MED24: variants seen among roughly 807,000 people sequenced by gnomAD.
The protein encoded by MED24 is mediator complex subunit 24.
In MED24, 74 loss-of-function variants were observed where a neutral mutation model predicts 118.8. That is an observed-to-expected ratio of 0.62 (90% CI 0.52 to 0.76). The LOEUF is 0.76. Among genes scored for constraint, MED24 ranks in the 30% least tolerant of loss-of-function variants. The probability of loss-of-function intolerance (pLI) is 0.00; values close to 1 mark genes in which losing one functional copy is unlikely to be tolerated. For synonymous variants in MED24, 521 were observed against 523.9 expected, an observed-to-expected ratio of 0.99 and a Z score of 0.08; for missense variants, 1,041 against 1,278.9, an observed-to-expected ratio of 0.81 and a Z score of 2.84.
intron 3 of MED24, among the ~76,000 whole-genome samples, chr17:40,051,411 C>T (rs1985831024): frequency 6.6e-6 from 1 of 151,328 alleles, no homozygotes; most frequent in African/African-American, 2.4e-5. Context: ...GTCAAGAGAT[C>T]AAGACCATAC....
intron 19 of MED24, among the ~76,000 whole-genome samples, chr17:40,024,369 A>G (rs1489265230): frequency 6.6e-6 from 1 of 152,038 alleles, no homozygotes; most frequent in Non-Finnish European, 1.5e-5. Context: ...CCCCATCTCT[A>G]CCAAAAATAC....
At chr17:40,026,494 A>G in intron 18 of MED24, 153 bp downstream of exon 18, 1 of 1,141,916 alleles carries the variant, frequency 8.8e-7, no homozygotes, top group Non-Finnish European at 1.3e-6. Flanking sequence ...CCTGGGCCAG[A>G]GGGAGTAGCT....
rs1182025599 is a variant in MED24, at chr17:40,026,900, C to T, written c.1665G>A (p.Glu555=). 6.2e-7 allele frequency: 1 copy of T among 1,613,834 alleles called. No individual in the cohort carries two copies. The highest frequency in any genetic ancestry group is 1.3e-5 in the African/African-American group (1 of 74,928). ...AGTTGTTGAGCAGGGCCACCAGGGA[C>T]TCCACTTTGGTGGAGTCGGGGCGGA... ...PCFRPDSTKV[E]SLVALLNNSS... The change falls in exon 17 of 26, where the codon GAG becomes GAA. Residue 555 remains glutamate, a synonymous_variant. Transcript: ENST00000394128.
intron 8 of MED24, 72 bp downstream of exon 8, chr17:40,032,984 G>T: frequency 6.3e-7 from 1 of 1,585,146 alleles, no homozygotes. Context: ...GGGAGAACCA[G>T]AAGAATCCTC....
intron 14 of MED24, 26 bp from the exon 15 acceptor site, chr17:40,027,972 T>A (rs375514762): frequency 2.7e-5 from 43 of 1,613,198 alleles, no homozygotes; most frequent in Non-Finnish European, 3.1e-5. Flanking sequence ...ACAGGCTGCA[T>A]TGACCAGGGC....
rs370310367 is a variant in MED24, at chr17:40,022,487, G to A, written c.2433-3C>T. The stretch of plus-strand genomic sequence containing the variant: ...TGAGGGCACACCACACGGCCAGCCT[G>A]GCAAAGGGTTCCAGAAAAAGGGGGA... On this transcript the variant is annotated splice_region_variant and splice_polypyrimidine_tract_variant and intron_variant, in intron 21 of 25. Transcript: ENST00000394128. 3.7e-6 allele frequency: 6 copies of A among 1,606,654 alleles called. No homozygotes were observed. In the African/African-American group the frequency reaches 4.0e-5, roughly 11 times the overall value.
chr17:40,027,089 G>A, intron 16 of MED24, 55 bp from the exon 17 acceptor site: 11 of 1,588,036 alleles, frequency 6.9e-6, no homozygotes, highest in Non-Finnish European at 9.5e-6. Context: ...GCGCCTGCCA[G>A]CGCTGGACCT....
intron 3 of MED24, among the ~76,000 whole-genome samples, chr17:40,038,621 G>C (rs1984216436): frequency 6.6e-6 from 1 of 150,640 alleles, no homozygotes; most frequent in Non-Finnish European, 1.5e-5. Flanking sequence ...TGAGGCAGGA[G>C]AATCGCTTGA....
chr17:40,019,507 C>G lies in MED24; in HGVS notation c.*22G>C, dbSNP rs371360690. On this transcript the variant is annotated 3_prime_UTR_variant, in exon 26 of 26. Coordinates refer to ENST00000394128, the MANE Select transcript of MED24 (RefSeq NM_014815.4). ...TGGGGCTGCGCCAGTCCCCAGCCCCCACTGCGGCCATGCCAAGCCCCTCAG... is the reference window on the plus strand; with the variant it reads ...TGGGGCTGCGCCAGTCCCCAGCCCCGACTGCGGCCATGCCAAGCCCCTCAG... The G allele has an allele frequency of 6.1e-5, 98 of 1,601,208 alleles. 1 individual carries two copies. Among genetic ancestry groups the G allele is most frequent in the Non-Finnish European group, 7.2e-5 (84 of 1,171,218 alleles).
At chr17:40,039,330 C>T (rs1050593609) in intron 3 of MED24, among the ~76,000 whole-genome samples, 1 of 152,200 alleles carries the variant, frequency 6.6e-6, no homozygotes, top group African/African-American at 2.4e-5. Flanking sequence ...AAGCTCTAAA[C>T]CACCACAGGC....
At chr17:40,046,496 A>G (rs1329899488) in intron 3 of MED24, among the ~76,000 whole-genome samples, 1 of 150,442 alleles carries the variant, frequency 6.6e-6, no homozygotes, top group Non-Finnish European at 1.5e-5. Context: ...CTGTAATCCC[A>G]GCACTTTGGG....
intron 6 of MED24, among the ~76,000 whole-genome samples, chr17:40,034,078 G>T (rs1013428444): frequency 1.3e-5 from 2 of 152,036 alleles, no homozygotes; most frequent in Admixed American, 6.6e-5. Flanking sequence ...AAGCCATATT[G>T]GTTAGCACTG....
chr17:40,026,901 T>C lies in MED24; in HGVS notation c.1664A>G (p.Glu555Gly), dbSNP rs1982727185. ...PCFRPDSTKV[E>G]SLVALLNNSS... ...GTTGTTGAGCAGGGCCACCAGGGAC[T>C]CCACTTTGGTGGAGTCGGGGCGGAA... Residue 555 changes from glutamate (E) to glycine (G), a missense_variant, in exon 17 of 26, where the codon GAG becomes GGG. Physicochemically the swap from Glu to Gly is moderately conservative, Grantham distance 98 (BLOSUM62 -2). Transcript: ENST00000394128. 2 of 1,613,794 alleles carry C rather than the reference T, an allele frequency of 1.2e-6. No individual in the cohort carries two copies. The highest frequency in any genetic ancestry group is 1.7e-6 in the Non-Finnish European group (2 of 1,179,960).
chr17:40,053,413 A>G, intron 2 of MED24, 33 bp from the exon 3 acceptor site: 1 of 1,613,554 alleles, frequency 6.2e-7, no homozygotes, highest in Non-Finnish European at 8.5e-7. Context: ...CAACTGAGTG[A>G]TTACAACTTC....
At chr17:40,051,029 G>C (rs1406355573) in intron 3 of MED24, among the ~76,000 whole-genome samples, 1 of 151,934 alleles carries the variant, frequency 6.6e-6, no homozygotes, top group Middle Eastern at 3.4e-3. Flanking sequence ...CCAGCTACTT[G>C]GGAGGCTAAG....
intron 12 of MED24, among the ~76,000 whole-genome samples, chr17:40,030,593 T>C (rs1209708246): frequency 1.3e-5 from 2 of 152,006 alleles, no homozygotes; most frequent in Non-Finnish European, 2.9e-5. Flanking sequence ...GCAGCCGGCC[T>C]ATCATTAGTC....
At chr17:40,042,809 C>T (rs975186073) in intron 3 of MED24, among the ~76,000 whole-genome samples, 3 of 152,120 alleles carry the variant, frequency 2.0e-5, no homozygotes, top group African/African-American at 7.2e-5. Flanking sequence ...GAGCCATTAT[C>T]CATCTATTTG....
Position 40,019,297 on chromosome 17 carries a change from A to G in MED24, c.*232T>C. ...GGGGTGACCACTGGGCTTGTGGTCC[A>G]GGCTGCTCACTCTCCTCAGGTGCCA... On this transcript the variant is annotated 3_prime_UTR_variant, in exon 26 of 26. Transcript: ENST00000394128. The G allele has an allele frequency of 1.8e-6, 1 of 552,938 alleles. No homozygotes were observed. Among genetic ancestry groups the G allele is most frequent in the African/African-American group, 1.9e-5 (1 of 52,544 alleles). The allele number at this position is 552,938 out of a possible 1,614,324, so 34.3% of individuals were successfully genotyped here.
At chr17:40,039,014 A>T (rs1468123404) in intron 3 of MED24, among the ~76,000 whole-genome samples, 1 of 152,170 alleles carries the variant, frequency 6.6e-6, no homozygotes, top group Non-Finnish European at 1.5e-5. Flanking sequence ...TGATGTCCCC[A>T]TAGCGAGTGC....
Sources: allele counts gnomAD v4.1 joint callset (sites outside exome capture counted in the v4.1 genomes callset), GRCh38; gene constraint gnomAD v4.1.1; transcripts MANE v1.5; gene names NCBI Gene and HGNC (gene_info 2026-07-23, HGNC 2026-07-21).